The following UTRN variants were observed in gnomAD, a reference collection of about 807,000 sequenced individuals.
UTRN encodes dystrophin-related protein 1.
Under a neutral mutation model 463.9 loss-of-function variants are expected in UTRN, and 283 were observed. The observed-to-expected ratio is 0.61, with a 90% CI of 0.55 to 0.67. UTRN has a LOEUF of 0.67. Among genes scored for constraint, UTRN ranks in the 30% least tolerant of loss-of-function variants. UTRN has a pLI of 0.00. For synonymous variants in UTRN, 1,442 were observed against 1,431.5 expected (o/e 1.01, Z -0.17); for missense variants, 3,922 against 4,084.3 (o/e 0.96, Z 1.08).
chr6:144,691,067 A>G (rs960879158), intron 52 of UTRN, among the ~76,000 whole-genome samples: 2 of 152,106 alleles, frequency 1.3e-5, no homozygotes, highest in African/African-American at 4.8e-5. Context: ...CATCTAGGGA[A>G]AAAAAAAGTT....
Position 144,513,936 on chromosome 6 carries a change from G to T in UTRN, c.4972G>T (p.Asp1658Tyr). 1 of 1,613,862 alleles carries T rather than the reference G, an allele frequency of 6.2e-7. No individual in the cohort carries two copies. The change falls in exon 36 of 75, where the codon GAT becomes TAT. Residue 1658 changes from aspartate to tyrosine, a missense_variant. Physicochemically the swap from Asp to Tyr is radical, Grantham distance 160. Transcript: ENST00000367545. ...MNHQNQLEIF[D>Y]GNVAHISTWL... ...CCATCAGAACCAGCTAGAAATATTT[G>T]ATGGGAACGTGGCTCACATAAGTAC...
At chr6:144,627,630 A>G (rs9376832) in intron 51 of UTRN, among the ~76,000 whole-genome samples, 86,145 of 151,708 alleles carry the variant, frequency 0.57, 25,589 homozygotes, top group East Asian at 0.87. Context: ...CTTCCCTCCA[A>G]TCCCTGGTAA....
At chr6:144,691,241 C>T (rs1281570500) in intron 52 of UTRN, among the ~76,000 whole-genome samples, 1 of 152,186 alleles carries the variant, frequency 6.6e-6, no homozygotes, top group East Asian at 1.9e-4. Flanking sequence ...CTCAGCCTCC[C>T]ATGTAGCTGG....
At chr6:144,314,649 G>A (rs142895213) in intron 2 of UTRN, among the ~76,000 whole-genome samples, 3 of 152,178 alleles carry the variant, frequency 2.0e-5, no homozygotes, top group Non-Finnish European at 4.4e-5. Context: ...GTTTGGGACA[G>A]TACCCTATCA....
chr6:144,629,850 C>G (rs367829954), intron 51 of UTRN, among the ~76,000 whole-genome samples: 21 of 152,162 alleles, frequency 1.4e-4, no homozygotes, highest in African/African-American at 4.8e-4. Context: ...GAATGGAGAT[C>G]TAGAATATGG....
rs201029018 is a variant in UTRN at position 144,700,560 on chromosome 6, GTTT to G, written c.7809+321_7809+323del. On this transcript the variant is annotated intron_variant, in intron 53 of 74. Coordinates refer to ENST00000367545, the MANE Select transcript of UTRN (RefSeq NM_007124.3). ...TATATTGAGGTTTTGGGTTTTTTTT[GTTT>G]TTTGTTTGTTTGTTTGTTTGTTTTA... 1.3e-3 allele frequency among the ~76,000 whole-genome samples: 197 copies of G among 151,568 alleles called. 2 individuals carry two copies. Among genetic ancestry groups the G allele is most frequent in the Admixed American group, 3.9e-3 (59 of 15,218 alleles).
At chr6:144,718,985 A>G (rs1383505543) in intron 53 of UTRN, among the ~76,000 whole-genome samples, 1 of 152,144 alleles carries the variant, frequency 6.6e-6, no homozygotes, top group Non-Finnish European at 1.5e-5. Context: ...GGTCAATGAG[A>G]TTGTTAAGAA....
intron 53 of UTRN, among the ~76,000 whole-genome samples, chr6:144,723,751 C>T (rs900828119): frequency 6.6e-6 from 1 of 151,896 alleles, no homozygotes; most frequent in African/African-American, 2.4e-5. Context: ...TCTGTAATCC[C>T]AGCACTTTGG....
At chr6:144,510,059 G>T (rs1795047373) in intron 34 of UTRN, among the ~76,000 whole-genome samples, 1 of 152,130 alleles carries the variant, frequency 6.6e-6, no homozygotes, top group African/African-American at 2.4e-5. Context: ...TTTAAACCTG[G>T]ACTCATTTGT....
intron 51 of UTRN, 127 bp from the exon 52 acceptor site, chr6:144,678,279 G>T: frequency 3.5e-6 from 3 of 857,462 alleles, no homozygotes; most frequent in Non-Finnish European, 5.1e-6. Flanking sequence ...TAAGAATTTT[G>T]GAAGCACTTG....
At chr6:144,635,504 C>CTT (rs200118539) in intron 51 of UTRN, among the ~76,000 whole-genome samples, 1 of 47,990 alleles carries the variant, frequency 2.1e-5, no homozygotes, top group African/African-American at 6.7e-5. Context: ...AGCAGCTAGC[C>CTT]TTTTTTTTTC....
At chr6:144,456,700 A>G (rs1181530490) in intron 19 of UTRN, among the ~76,000 whole-genome samples, 2 of 149,468 alleles carry the variant, frequency 1.3e-5, no homozygotes, top group South Asian at 2.1e-4. Context: ...AATAATAAAT[A>G]AAATAGTGTG....
At chr6:144,618,167 A>G (rs1158786196) in intron 51 of UTRN, among the ~76,000 whole-genome samples, 1 of 152,170 alleles carries the variant, frequency 6.6e-6, no homozygotes, top group African/African-American at 2.4e-5. Flanking sequence ...TCACTATTTG[A>G]AAGTTATAAT....
At chr6:144,643,794 C>CAA (rs5880601) in intron 51 of UTRN, among the ~76,000 whole-genome samples, 1 of 143,420 alleles carries the variant, frequency 7.0e-6, no homozygotes, top group Non-Finnish European at 1.5e-5. Context: ...AACACCATCT[C>CAA]AAAAAAAAAA....
chr6:144,831,318 G>T (rs59561161), intron 69 of UTRN, among the ~76,000 whole-genome samples: 6,522 of 152,176 alleles, frequency 0.043, 425 homozygotes, highest in African/African-American at 0.14. Flanking sequence ...AATCCCAAGG[G>T]TCCTCATAAA....
At chr6:144,588,281 G>A (rs1297738670) in intron 51 of UTRN, among the ~76,000 whole-genome samples, 5 of 152,126 alleles carry the variant, frequency 3.3e-5, no homozygotes, top group Non-Finnish European at 7.4e-5. Flanking sequence ...GATATGTGTT[G>A]TCAAAATTAT....
At chr6:144,653,252 G>T (rs1313616190) in intron 51 of UTRN, among the ~76,000 whole-genome samples, 1 of 151,986 alleles carries the variant, frequency 6.6e-6, no homozygotes, top group Non-Finnish European at 1.5e-5. Context: ...GGATATGTAC[G>T]TGCATACATA....
chr6:144,662,153 C>G (rs565925985), intron 51 of UTRN, among the ~76,000 whole-genome samples: 2 of 152,200 alleles, frequency 1.3e-5, no homozygotes, highest in South Asian at 4.2e-4. Flanking sequence ...ATCTCTTTGG[C>G]CGTATTTTAC....
At chr6:144,399,234 T>C (rs1475963719) in intron 2 of UTRN, among the ~76,000 whole-genome samples, 1 of 152,176 alleles carries the variant, frequency 6.6e-6, no homozygotes, top group East Asian at 1.9e-4. Context: ...TTTTAATAAA[T>C]ATTGTTTGAA....
Sources: allele counts gnomAD v4.1 joint callset (sites outside exome capture counted in the v4.1 genomes callset), GRCh38; gene constraint gnomAD v4.1.1; transcripts MANE v1.5; gene names NCBI Gene and HGNC (gene_info 2026-07-23, HGNC 2026-07-21).